The following PCDHGA6 variants were observed in gnomAD, a reference collection of about 807,000 sequenced individuals.
The protein encoded by PCDHGA6 is protocadherin gamma subfamily A, 6.
PCDHGA6 carries 41 observed loss-of-function variants against 60.6 expected under a neutral mutation model. That is an observed-to-expected ratio of 0.68 (90% confidence interval 0.53 to 0.88). The LOEUF (loss-of-function observed/expected upper bound fraction) is 0.88, where lower values mean the gene tolerates loss of function less well. Ranked by LOEUF, PCDHGA6 falls within the 40% of genes least tolerant of loss-of-function variation. The pLI is 0.00. For synonymous variants in PCDHGA6, 594 were observed against 524.4 expected (o/e 1.13, Z -1.81); for missense variants, 1,312 against 1,203.0 (o/e 1.09, Z -1.34).
chr5:141,393,464 C>T (rs1264655164), intron 1 of PCDHGA6: 10 of 1,613,912 alleles, frequency 6.2e-6, no homozygotes, highest in African/African-American at 2.7e-5. Context: ...CCTCGGATGG[C>T]GGCAAGCCGC....
chr5:141,398,804 C>T, intron 1 of PCDHGA6: 1 of 1,614,012 alleles, frequency 6.2e-7, no homozygotes, highest in Non-Finnish European at 8.5e-7. Context: ...AGCGGCACCA[C>T]TGAGCTCCGG....
intron 1 of PCDHGA6, chr5:141,395,745 T>C (rs2093305954): frequency 6.5e-6 from 1 of 153,196 alleles, no homozygotes; most frequent in African/African-American, 2.4e-5. Context: ...AAACCTCTTT[T>C]CTGAGCCCTG....
intron 1 of PCDHGA6, chr5:141,420,309 A>G (rs1263620304): frequency 2.7e-6 from 4 of 1,460,536 alleles, no homozygotes; most frequent in Non-Finnish European, 3.7e-6. Context: ...TCCTTTTTAT[A>G]TTACAATATG....
At chr5:141,392,632 C>A in intron 1 of PCDHGA6, 1 of 610,258 alleles carries the variant, frequency 1.6e-6, no homozygotes, top group Non-Finnish European at 2.7e-6. Context: ...ACTCAGATCT[C>A]ACACCTCACG....
chr5:141,418,663 C>T, intron 1 of PCDHGA6: 1 of 1,613,960 alleles, frequency 6.2e-7, no homozygotes, highest in South Asian at 1.1e-5. Flanking sequence ...AGGCCACTGA[C>T]CAGGACGAGG....
chr5:141,377,884 G>C (rs975063251), intron 1 of PCDHGA6: 1 of 152,112 alleles, frequency 6.6e-6, no homozygotes, highest in Non-Finnish European at 1.5e-5. Flanking sequence ...ATCAGAGATA[G>C]GATCCCCCTC....
At chr5:141,422,009 G>C (rs1483710075) in intron 1 of PCDHGA6, 1 of 1,609,752 alleles carries the variant, frequency 6.2e-7, no homozygotes, top group Non-Finnish European at 8.5e-7. Flanking sequence ...TCCGGAACTC[G>C]GGTGCTGATG....
At chr5:141,408,747 T>C (rs1589683971) in intron 1 of PCDHGA6, 1 of 1,609,868 alleles carries the variant, frequency 6.2e-7, no homozygotes, top group Non-Finnish European at 8.5e-7. Flanking sequence ...TCATTAATGG[T>C]TAGAGTTAAT....
chr5:141,444,152 ATTTTTTTTTTTTTT>A (rs747671382), intron 1 of PCDHGA6, among the ~76,000 whole-genome samples: 241 of 33,882 alleles, frequency 7.1e-3, no homozygotes, highest in African/African-American at 0.019. Flanking sequence ...TGTGTACTGG[ATTTTTTTTTTTTTT>A]TTTTTTTTTT....
chr5:141,434,938 A>G (rs938787407), intron 1 of PCDHGA6, among the ~76,000 whole-genome samples: 2 of 151,738 alleles, frequency 1.3e-5, no homozygotes, highest in Admixed American at 1.3e-4. Flanking sequence ...TATATAATAG[A>G]TATAATTTAT....
At chr5:141,420,501 A>T in intron 1 of PCDHGA6, 1 of 469,392 alleles carries the variant, frequency 2.1e-6, no homozygotes, top group East Asian at 4.1e-5. Context: ...CTCCGGTGAC[A>T]TTTTTATGAA....
rs1389286417 is a variant in PCDHGA6 at position 141,432,046 on chromosome 5, C to T, written c.2424+55539C>T. ...CAGTGACCGCCACTGACCGGGGAAC[C>T]CCGCCCCTATCCACGGAAACTCATA... On this transcript the variant is annotated intron_variant, in intron 1 of 3. Transcript: ENST00000517434. This position sits in a 1 kb window ranked among gnomAD's most constrained non-coding sequence, Gnocchi z 6.0. 3.1e-6 allele frequency: 5 copies of T among 1,614,224 alleles called. No homozygotes were observed. The highest frequency in any genetic ancestry group is 2.2e-5 in the East Asian group (1 of 44,886).
At chr5:141,384,071 CT>C in intron 1 of PCDHGA6, 1 of 1,603,192 alleles carries the variant, frequency 6.2e-7, no homozygotes. Context: ...GAAAACCTAC[CT>C]TTTAAATTAG....
chr5:141,399,832 G>A, intron 1 of PCDHGA6: 1 of 1,613,152 alleles, frequency 6.2e-7, no homozygotes, highest in African/African-American at 1.3e-5. Flanking sequence ...CGACGGCTCT[G>A]CGCTCTTCGA....
intron 1 of PCDHGA6, chr5:141,418,640 A>G (rs1042874136): frequency 1.2e-6 from 2 of 1,614,042 alleles, no homozygotes; most frequent in Non-Finnish European, 1.7e-6. Flanking sequence ...AGGCACCTCC[A>G]TCCTGAGAGT....
intron 1 of PCDHGA6, chr5:141,417,772 C>G: frequency 6.9e-7 from 1 of 1,456,320 alleles, no homozygotes; most frequent in East Asian, 2.5e-5. Context: ...GGGACTCCTC[C>G]TGTCCTGGGC....
intron 1 of PCDHGA6, among the ~76,000 whole-genome samples, chr5:141,467,951 A>G (rs2099155044): frequency 6.6e-6 from 1 of 151,944 alleles, no homozygotes; most frequent in East Asian, 1.9e-4. Context: ...GAGCCACCAC[A>G]CCCGGCTGCC....
At chr5:141,382,874 GC>G in intron 1 of PCDHGA6, 1 of 1,523,072 alleles carries the variant, frequency 6.6e-7, no homozygotes, top group Non-Finnish European at 8.8e-7. Context: ...CGAGATCGGC[GC>G]CTAAGCAAGA....
chr5:141,495,721 G>A (rs2099763243), intron 2 of PCDHGA6, among the ~76,000 whole-genome samples: 1 of 152,100 alleles, frequency 6.6e-6, no homozygotes, highest in Non-Finnish European at 1.5e-5. Context: ...TAACTACACG[G>A]GACCCTTAGT....
Sources: allele counts gnomAD v4.1 joint callset (sites outside exome capture counted in the v4.1 genomes callset), GRCh38; gene constraint gnomAD v4.1.1; non-coding constraint Gnocchi (gnomAD v3.1); transcripts MANE v1.5; gene names NCBI Gene and HGNC (gene_info 2026-07-23, HGNC 2026-07-21).